The following ECPAS variants were observed in gnomAD, a reference collection of about 807,000 sequenced individuals.
The protein encoded by ECPAS is proteasome adapter and scaffold protein ECM29.
ECPAS carries 70 observed loss-of-function variants against 255.1 expected under a neutral mutation model. The ratio of observed to expected loss-of-function variants is 0.27; its 90% confidence interval spans 0.23 to 0.33. ECPAS has a LOEUF of 0.33. Ranked by LOEUF, ECPAS falls within the 10% of genes least tolerant of loss-of-function variation. The probability of loss-of-function intolerance (pLI) is 1.00; values close to 1 mark genes in which losing one functional copy is unlikely to be tolerated. For missense variants in ECPAS, 1,817 were observed against 2,206.4 expected (o/e 0.82, Z 3.54); for synonymous variants, 784 against 775.0 (o/e 1.01, Z -0.19).
Position 111,414,710 on chromosome 9 carries a change from G to A in ECPAS, c.1765-59C>T, listed in dbSNP as rs1053169451. ...CTTCTCGAAAAGTCAGTGTGGGAAG[G>A]TACTCTTCAAAGTAACAATTTCTAG... On this transcript the variant is annotated intron_variant, in intron 18 of 49. Transcript: ENST00000684092. The A allele has an allele frequency of 6.3e-6, 9 of 1,419,668 alleles. No individual in the cohort carries two copies. In the Admixed American group the frequency reaches 1.1e-4, roughly 17 times the overall value. 87.9% of individuals were successfully genotyped at this position (1,419,668 alleles called of 1,614,324 possible).
At chr9:111,407,073 GTAAGT>G (rs1230897028) in intron 24 of ECPAS, among the ~76,000 whole-genome samples, 3 of 146,644 alleles carry the variant, frequency 2.0e-5, no homozygotes, top group African/African-American at 5.3e-5. Context: ...GGCATTAAAA[GTAAGT>G]TAAGAATCCA....
intron 6 of ECPAS, among the ~76,000 whole-genome samples, chr9:111,438,078 G>T (rs544027125): frequency 1.3e-5 from 2 of 151,864 alleles, no homozygotes; most frequent in Non-Finnish European, 2.9e-5. Context: ...TTAAGGAATC[G>T]CTTTAATGTT....
chr9:111,367,252 G>T (rs568384270), intron 46 of ECPAS, among the ~76,000 whole-genome samples: 4 of 152,178 alleles, frequency 2.6e-5, no homozygotes, highest in African/African-American at 9.6e-5. Flanking sequence ...AAAAATGGGG[G>T]GAGGCAATAA....
intron 2 of ECPAS, among the ~76,000 whole-genome samples, chr9:111,472,034 C>T (rs1360215175): frequency 6.6e-6 from 1 of 151,988 alleles, no homozygotes; most frequent in East Asian, 1.9e-4. Context: ...CCCAGGAGGT[C>T]AAGGCTGCAG....
chr9:111,436,000 T>C (rs1429652196), intron 7 of ECPAS, among the ~76,000 whole-genome samples: 1 of 151,336 alleles, frequency 6.6e-6, no homozygotes, highest in African/African-American at 2.4e-5. Context: ...TGTTAATTCT[T>C]TACCTTTCTT....
At position 111,373,317 on chromosome 9, in the gene ECPAS, G is replaced by A. The variant is rs752086245; in HGVS notation, c.4267C>T (p.Arg1423Trp). Residue 1423 changes from arginine to tryptophan, a missense_variant and splice_region_variant, in exon 40 of 50, where the codon CGG becomes TGG. Coordinates refer to ENST00000684092, the MANE Select transcript of ECPAS (RefSeq NM_001364929.1). ...SCAFAMGHLVRTSRDSSTEKL... is the reference protein window; with the variant it reads ...SCAFAMGHLVWTSRDSSTEKL... ...ACTAAGCAAGAAATTTAACTCACCC[G>A]AACTAAATGGCCCATAGCAAATGCA... 11 of 1,613,396 alleles carry A rather than the reference G, an allele frequency of 6.8e-6. No individual in the cohort carries two copies. In the Middle Eastern group the frequency reaches 8.3e-4, roughly 121 times the overall value.
intron 2 of ECPAS, among the ~76,000 whole-genome samples, chr9:111,458,792 T>C (rs2098269921): frequency 6.6e-6 from 1 of 152,186 alleles, no homozygotes; most frequent in Non-Finnish European, 1.5e-5. Flanking sequence ...TATCACACAT[T>C]GCTATACTGG....
At chr9:111,481,350 C>CA (rs1401043691) in intron 1 of ECPAS, among the ~76,000 whole-genome samples, 1 of 151,724 alleles carries the variant, frequency 6.6e-6, no homozygotes, top group Non-Finnish European at 1.5e-5. Flanking sequence ...ACTAAAAATA[C>CA]AAAAAATTAG....
At chr9:111,417,814 CT>C in intron 17 of ECPAS, 68 bp downstream of exon 17, 3 of 1,377,020 alleles carry the variant, frequency 2.2e-6, no homozygotes, top group Non-Finnish European at 2.9e-6. Context: ...ACATTTTTCA[CT>C]TTAAAGATGT....
intron 46 of ECPAS, among the ~76,000 whole-genome samples, chr9:111,367,271 G>C (rs1391755431): frequency 6.6e-6 from 1 of 152,108 alleles, no homozygotes; most frequent in African/African-American, 2.4e-5. Flanking sequence ...AAAAAATCTA[G>C]AATTCTGCAC....
chr9:111,410,859 T>G (rs1214434227), intron 22 of ECPAS, 121 bp downstream of exon 22: 1 of 1,075,770 alleles, frequency 9.3e-7, no homozygotes, highest in Admixed American at 2.3e-5. Flanking sequence ...AAGTAAGTTT[T>G]TTGTGAAAAA....
intron 24 of ECPAS, among the ~76,000 whole-genome samples, chr9:111,397,643 G>C (rs2098169636): frequency 1.3e-5 from 2 of 152,202 alleles, no homozygotes; most frequent in African/African-American, 4.8e-5. Flanking sequence ...CTATTATATA[G>C]GATGCTTGAT....
At chr9:111,478,482 G>T (rs1406657454) in intron 1 of ECPAS, among the ~76,000 whole-genome samples, 1 of 151,980 alleles carries the variant, frequency 6.6e-6, no homozygotes, top group Admixed American at 6.6e-5. Context: ...ATCTGAGATT[G>T]CACCACGGCA....
intron 7 of ECPAS, among the ~76,000 whole-genome samples, chr9:111,435,625 C>T (rs534106376): frequency 2.0e-5 from 3 of 151,616 alleles, no homozygotes; most frequent in South Asian, 2.1e-4. Flanking sequence ...TCAAAGTACC[C>T]GGTACGGTGC....
At chr9:111,365,179 G>A (rs1307526422) in intron 48 of ECPAS, among the ~76,000 whole-genome samples, 1 of 152,136 alleles carries the variant, frequency 6.6e-6, no homozygotes, top group Non-Finnish European at 1.5e-5. Flanking sequence ...ACTGAGGCAG[G>A]AGAATCACTT....
At chr9:111,435,979 C>T (rs1195016677) in intron 7 of ECPAS, among the ~76,000 whole-genome samples, 1 of 150,246 alleles carries the variant, frequency 6.7e-6, no homozygotes, top group Admixed American at 6.6e-5. Flanking sequence ...TTAGCCACTG[C>T]GCCCGGCCTC....
At chr9:111,380,229 T>C (rs1183511867) in intron 35 of ECPAS, among the ~76,000 whole-genome samples, 1 of 152,268 alleles carries the variant, frequency 6.6e-6, no homozygotes, top group Non-Finnish European at 1.5e-5. Context: ...ATTCATTTCC[T>C]TGTACCTCTC....
chr9:111,388,102 A>G (rs1803939640), intron 31 of ECPAS, among the ~76,000 whole-genome samples: 1 of 152,192 alleles, frequency 6.6e-6, no homozygotes, highest in South Asian at 2.1e-4. Context: ...CAATGCTGAC[A>G]TTCTCAAAAA....
intron 17 of ECPAS, among the ~76,000 whole-genome samples, chr9:111,417,290 C>G (rs2098205307): frequency 6.6e-6 from 1 of 151,766 alleles, no homozygotes; most frequent in Non-Finnish European, 1.5e-5. Context: ...TTAAGCATGT[C>G]ATATTAAGGG....
Sources: allele counts gnomAD v4.1 joint callset (sites outside exome capture counted in the v4.1 genomes callset), GRCh38; gene constraint gnomAD v4.1.1; transcripts MANE v1.5; gene names NCBI Gene and HGNC (gene_info 2026-07-23, HGNC 2026-07-21).